The following CFAP70 variants were observed in gnomAD, a reference collection of about 807,000 sequenced individuals.
The protein encoded by CFAP70 is cilia- and flagella-associated protein 70.
A neutral mutation model predicts 137.6 loss-of-function variants in CFAP70; 81 were observed. The ratio of observed to expected loss-of-function variants is 0.59; its 90% CI spans 0.49 to 0.71. The LOEUF (loss-of-function observed/expected upper bound fraction) is 0.71. Ranked by LOEUF, CFAP70 falls within the 30% of genes least tolerant of loss-of-function variation. The probability of loss-of-function intolerance (pLI) is 0.00; values close to 1 mark genes in which losing one functional copy is unlikely to be tolerated. For missense variants in CFAP70, 976 were observed against 1,226.7 expected (o/e 0.80, Z 3.05); for synonymous variants, 382 against 423.6 (o/e 0.90, Z 1.20).
chr10:73,341,230 A>G (rs2132413828), intron 6 of CFAP70, among the ~76,000 whole-genome samples, 169 bp downstream of exon 7: 1 of 152,344 alleles, frequency 6.6e-6, no homozygotes, highest in African/African-American at 2.4e-5. Flanking sequence ...TGTTTTCTGG[A>G]CTTAAGAAGC....
chr10:73,277,409 AGT>A, intron 20 of CFAP70, 48 bp from the exon 22 acceptor site: 1 of 1,596,850 alleles, frequency 6.3e-7, no homozygotes, highest in Non-Finnish European at 8.6e-7. Context: ...TAACAGAAAA[AGT>A]GTCAGAAATT....
chr10:73,284,334 T>C (rs957819149), intron 19 of CFAP70, among the ~76,000 whole-genome samples: 3 of 152,130 alleles, frequency 2.0e-5, no homozygotes, highest in Non-Finnish European at 2.9e-5. Context: ...ATAAGGACCC[T>C]TGTGGTTACA....
chr10:73,296,946 A>G, intron 15 of CFAP70, 96 bp downstream of exon 16: 1 of 1,437,014 alleles, frequency 7.0e-7, no homozygotes. Context: ...AGACACTTCA[A>G]TAAATATTCG....
chr10:73,354,762 T>C (rs1192184510), exon 2 of CFAP70: 2 of 1,614,154 alleles, frequency 1.2e-6, no homozygotes, highest in Non-Finnish European at 1.7e-6. Flanking sequence ...CACGGTGATC[T>C]GCACGAGTCT....
chr10:73,331,275 A>T, exon 8 of CFAP70: 1 of 1,612,474 alleles, frequency 6.2e-7, no homozygotes, highest in Non-Finnish European at 8.5e-7. Flanking sequence ...CGCTTCTGAA[A>T]ACTGCAAATC....
intron 9 of CFAP70, among the ~76,000 whole-genome samples, chr10:73,322,566 TAAAAAAAAAAAA>T (rs143744938): frequency 9.5e-6 from 1 of 105,676 alleles, no homozygotes; most frequent in Non-Finnish European, 2.0e-5. Context: ...CCCACATCTC[TAAAAAAAAAAAA>T]AAAAAAAAAG....
intron 3 of CFAP70, among the ~76,000 whole-genome samples, chr10:73,353,092 T>C (rs2132543822): frequency 6.6e-6 from 1 of 152,342 alleles, no homozygotes; most frequent in East Asian, 1.9e-4. Context: ...TTTAAAAATA[T>C]ATATATTCTT....
intron 19 of CFAP70, among the ~76,000 whole-genome samples, chr10:73,290,631 AAC>A (rs2048107281): frequency 6.6e-6 from 1 of 152,236 alleles, no homozygotes; most frequent in Admixed American, 6.5e-5. Context: ...CACAAACAAA[AAC>A]ACACATACCA....
intron 3 of CFAP70, among the ~76,000 whole-genome samples, chr10:73,351,071 GTATATATATATATATATATATATATA>G (rs1158760266): frequency 2.9e-4 from 9 of 31,390 alleles, no homozygotes; most frequent in South Asian, 1.3e-3. Context: ...GTGTGTGTGT[GTATATATATATATATATATATATATA>G]TATATATATA....
At chr10:73,277,410 G>T in intron 20 of CFAP70, 49 bp from the exon 22 acceptor site, 1 of 1,596,450 alleles carries the variant, frequency 6.3e-7, no homozygotes, top group Non-Finnish European at 8.6e-7. Flanking sequence ...AACAGAAAAA[G>T]TGTCAGAAAT....
In CFAP70 at chr10:73,273,906, T is replaced by A. The variant is rs139051342; in HGVS notation, c.2835+527A>T. On this transcript the variant is annotated intron_variant, in intron 23 of 26. Coordinates refer to ENST00000310715, the Ensembl canonical transcript of CFAP70. ...GGTCCATGGTGTTTCATTCTACTAT[T>A]CTGTTTGCTTTGTATGTACTGAAAT... is the stretch of plus-strand genomic sequence containing the variant. Among the ~76,000 whole-genome samples the A allele has an allele frequency of 2.6e-3, 402 of 152,336 alleles. 1 individual carries two copies. The highest frequency in any genetic ancestry group is 4.9e-3 in the Non-Finnish European group (331 of 68,030).
At chr10:73,338,254 G>A (rs537487426) in intron 6 of CFAP70, among the ~76,000 whole-genome samples, 3 of 148,506 alleles carry the variant, frequency 2.0e-5, no homozygotes, top group East Asian at 2.1e-4. Flanking sequence ...GGGTTCAAGC[G>A]ATTCTCTTGC....
chr10:73,310,343 GA>G, intron 11 of CFAP70, 94 bp from the exon 13 acceptor site: 1 of 750,068 alleles, frequency 1.3e-6, no homozygotes, highest in South Asian at 1.8e-5. Context: ...TAATAAGTGA[GA>G]AAACTGCATA....
intron 2 of CFAP70, among the ~76,000 whole-genome samples, chr10:73,354,196 G>C (rs1460912681): frequency 6.6e-6 from 1 of 152,174 alleles, no homozygotes; most frequent in Non-Finnish European, 1.5e-5. Context: ...ATATTTTCTA[G>C]TGTTCTGCTG....
At chr10:73,335,060 CTT>C (rs547226854) in intron 7 of CFAP70, among the ~76,000 whole-genome samples, 12,282 of 118,018 alleles carry the variant, frequency 0.1, 746 homozygotes, top group East Asian at 0.29. Flanking sequence ...TCTTCTTCTT[CTT>C]TTTTTTTTTT....
chr10:73,281,496 T>C (rs886192453), intron 19 of CFAP70, among the ~76,000 whole-genome samples: 1 of 152,140 alleles, frequency 6.6e-6, no homozygotes, highest in Non-Finnish European at 1.5e-5. Context: ...AGTTTTCCTA[T>C]ATATCTAGTG....
chr10:73,291,670 G>C, exon 18 of CFAP70: 1 of 1,613,828 alleles, frequency 6.2e-7, no homozygotes, highest in Non-Finnish European at 8.5e-7. Flanking sequence ...ACATTAGTTG[G>C]TTCCAAGCAA....
At chr10:73,268,382 T>C (rs1484377219) in intron 25 of CFAP70, among the ~76,000 whole-genome samples, 1 of 152,242 alleles carries the variant, frequency 6.6e-6, no homozygotes, top group Non-Finnish European at 1.5e-5. Context: ...TGGTTTTGCA[T>C]GTGGTCAACC....
chr10:73,297,731 T>G (rs749089839), intron 14 of CFAP70, among the ~76,000 whole-genome samples: 12 of 152,246 alleles, frequency 7.9e-5, no homozygotes, highest in African/African-American at 1.2e-4. Flanking sequence ...CATGTTGCTA[T>G]AGCCAGGACA....
Sources: allele counts gnomAD v4.1 joint callset (sites outside exome capture counted in the v4.1 genomes callset), GRCh38; gene constraint gnomAD v4.1.1; transcripts MANE v1.5; gene names NCBI Gene and HGNC (gene_info 2026-07-23, HGNC 2026-07-21).